Variants in AGPAT3 observed in about 807,000 individuals in gnomAD.
The protein encoded by AGPAT3 is 1-acylglycerol-3-phosphate O-acyltransferase 3, also known as 1-acyl-sn-glycerol-3-phosphate acyltransferase gamma.
A neutral mutation model predicts 47.3 loss-of-function variants in AGPAT3; 5 were observed. The observed-to-expected ratio is 0.11, with a 90% CI of 0.06 to 0.22. The LOEUF (loss-of-function observed/expected upper bound fraction) is 0.22, where lower values mean the gene tolerates loss of function less well. Among genes scored for constraint, AGPAT3 ranks in the 10% least tolerant of loss-of-function variants. The probability of loss-of-function intolerance (pLI) is 1.00; values close to 1 mark genes in which losing one functional copy is unlikely to be tolerated. For synonymous variants in AGPAT3, 212 were observed against 208.3 expected (o/e 1.02, Z -0.15); for missense variants, 315 against 493.0 (o/e 0.64, Z 3.42).
intron 1 of AGPAT3, among the ~76,000 whole-genome samples, chr21:43,888,920 C>G (rs749427431): frequency 1.3e-5 from 2 of 151,806 alleles, no homozygotes; most frequent in African/African-American, 4.8e-5. Context: ...ACCCGGAAGG[C>G]GGAGGTTGCA....
chr21:43,938,090 TC>T (rs2087510426), intron 2 of AGPAT3, among the ~76,000 whole-genome samples: 1 of 141,598 alleles, frequency 7.1e-6, no homozygotes, highest in Non-Finnish European at 1.6e-5. Flanking sequence ...CCACTTTCTC[TC>T]TCTCTCTCTC....
chr21:43,967,863 C>G (rs1295767856), intron 3 of AGPAT3, 83 bp from the exon 4 acceptor site: 23 of 1,402,030 alleles, frequency 1.6e-5, no homozygotes, highest in South Asian at 2.6e-5. Context: ...GACAAAAATA[C>G]TGTAGGTGTC....
chr21:43,894,608 G>C (rs4819339), intron 1 of AGPAT3, among the ~76,000 whole-genome samples: 2 of 151,874 alleles, frequency 1.3e-5, no homozygotes, highest in Non-Finnish European at 2.9e-5. Context: ...TGAAATATAC[G>C]ATAGATTATT....
intron 1 of AGPAT3, among the ~76,000 whole-genome samples, chr21:43,877,028 T>G (rs1216717160): frequency 6.6e-6 from 1 of 152,040 alleles, no homozygotes; most frequent in African/African-American, 2.4e-5. Context: ...CCAGCTAATT[T>G]TTTGTATTTT....
chr21:43,975,943 G>A (rs190423231), intron 7 of AGPAT3, among the ~76,000 whole-genome samples: 15 of 151,680 alleles, frequency 9.9e-5, no homozygotes, highest in African/African-American at 2.2e-4. Context: ...GCTCCCTTAC[G>A]GAAGCGACTT....
intron 1 of AGPAT3, among the ~76,000 whole-genome samples, chr21:43,873,470 C>T (rs1044024864): frequency 1.3e-5 from 2 of 152,134 alleles, no homozygotes; most frequent in Admixed American, 6.5e-5. Flanking sequence ...CTCTGCCTCC[C>T]GGGTTCAAGC....
At chr21:43,893,933 G>A (rs2086156277) in intron 1 of AGPAT3, among the ~76,000 whole-genome samples, 1 of 152,182 alleles carries the variant, frequency 6.6e-6, no homozygotes, top group Admixed American at 6.5e-5. Context: ...ACCAAAATGT[G>A]ACACAGACGC....
chr21:43,929,401 G>A (rs2087166738), intron 2 of AGPAT3, among the ~76,000 whole-genome samples: 1 of 152,228 alleles, frequency 6.6e-6, no homozygotes, highest in Admixed American at 6.5e-5. Flanking sequence ...CACTCCTGGA[G>A]CCTCTGCCAC....
intron 7 of AGPAT3, 85 bp downstream of exon 7, chr21:43,971,575 C>A: frequency 7.8e-7 from 1 of 1,290,136 alleles, no homozygotes; most frequent in Non-Finnish European, 1.1e-6. Flanking sequence ...GTGGCTGGGT[C>A]CAGGCCCCAC....
intron 7 of AGPAT3, among the ~76,000 whole-genome samples, chr21:43,977,252 T>C (rs2089652163): frequency 6.6e-6 from 1 of 152,228 alleles, no homozygotes; most frequent in South Asian, 2.1e-4. Flanking sequence ...TGAAAATGCC[T>C]ACATTTTTAA....
At position 43,968,123 on chromosome 21, in the gene AGPAT3, G is replaced by T; in HGVS notation, c.348+8G>T. 6.2e-7 allele frequency: 1 copy of T among 1,613,074 alleles called. No homozygotes were observed. Among genetic ancestry groups the T allele is most frequent in the East Asian group, 2.2e-5 (1 of 44,810 alleles). ...CGCTTCGGAGTGCTGGGGGTGAGCG[G>T]GGACCTGGGGAGGGCCACGGGTGAG... On this transcript the variant is annotated splice_region_variant and intron_variant, in intron 4 of 9. Transcript: ENST00000291572.
At chr21:43,914,820 G>C (rs991349022) in intron 2 of AGPAT3, among the ~76,000 whole-genome samples, 1 of 152,128 alleles carries the variant, frequency 6.6e-6, no homozygotes, top group Non-Finnish European at 1.5e-5. Context: ...GTTATCACAG[G>C]CCTGAGCCAC....
At position 43,928,252 on chromosome 21, in the gene AGPAT3, C is replaced by A. The variant is rs190573172; in HGVS notation, c.-49+24233C>A. Among the ~76,000 whole-genome samples, 20 of 152,368 alleles carry A rather than the reference C, an allele frequency of 1.3e-4. No homozygotes were observed. The East Asian group carries it at 2.5e-3, about 19-fold the overall frequency. ...CCACAGGGGCCCTCTTCTCCGGGGC[C>A]TGCAGGTGTACCCCTGCCCTGAGTT... On this transcript the variant is annotated intron_variant, in intron 2 of 9. Transcript: ENST00000291572.
In AGPAT3 at chr21:43,983,666, T is replaced by A. The variant is rs2029945451; in HGVS notation, c.*1274T>A. Reference sequence around the variant, plus strand: ...GCGAGGGATGCTTCTCCCTACAGCATGTCCACTCCCCCGGCATGGCCAGGT... The same window carrying A: ...GCGAGGGATGCTTCTCCCTACAGCAAGTCCACTCCCCCGGCATGGCCAGGT... On this transcript the variant is annotated 3_prime_UTR_variant, in exon 10 of 10. Transcript: ENST00000291572. 6.6e-6 allele frequency: 1 copy of A among 152,256 alleles called. No individual in the cohort carries two copies. The highest frequency in any genetic ancestry group is 2.1e-4 in the South Asian group (1 of 4,834). The allele number at this position is 152,256 out of a possible 1,614,324, so 9.4% of individuals were successfully genotyped here.
intron 1 of AGPAT3, among the ~76,000 whole-genome samples, chr21:43,878,092 C>T (rs929186456): frequency 7.2e-5 from 11 of 152,278 alleles, no homozygotes; most frequent in East Asian, 3.9e-4. Context: ...GCGCTTTCCC[C>T]GCCACTGCTT....
intron 2 of AGPAT3, among the ~76,000 whole-genome samples, chr21:43,959,351 A>G (rs199574111): frequency 1.0e-3 from 79 of 76,862 alleles, no homozygotes; most frequent in Non-Finnish European, 1.2e-3. Context: ...TGTGTGTGGT[A>G]TGTGTGTGGC....
At chr21:43,873,811 G>A (rs890343120) in intron 1 of AGPAT3, among the ~76,000 whole-genome samples, 43 of 152,018 alleles carry the variant, frequency 2.8e-4, no homozygotes, top group African/African-American at 1.0e-3. Flanking sequence ...TCTCACAGAG[G>A]CTCATCTTTT....
chr21:43,969,575 C>T (rs2089306962), intron 5 of AGPAT3, among the ~76,000 whole-genome samples: 1 of 152,272 alleles, frequency 6.6e-6, no homozygotes, highest in South Asian at 2.1e-4. Context: ...GCCCGCCCTG[C>T]TCAGTGTGCA....
In AGPAT3 at chr21:43,932,904, C is replaced by G. The variant is rs934009055; in HGVS notation, c.-48-26730C>G. Reference sequence around the variant, plus strand: ...ACCTCAAGTGATCCACCCGCCTTGGCCTCCCAAAGTGCTGGGATTACAGGT... The same window carrying G: ...ACCTCAAGTGATCCACCCGCCTTGGGCTCCCAAAGTGCTGGGATTACAGGT... On this transcript the variant is annotated intron_variant, in intron 2 of 9. Transcript: ENST00000291572. This position sits in a 1 kb window ranked among gnomAD's most constrained non-coding sequence, Gnocchi z 5.2. Among the ~76,000 whole-genome samples the G allele has an allele frequency of 9.2e-5, 14 of 152,202 alleles. No individual in the cohort carries two copies. The highest frequency in any genetic ancestry group is 2.1e-4 in the Non-Finnish European group (14 of 68,028).
Sources: gnomAD v4.1 joint callset for allele counts (sites outside exome capture counted in the v4.1 genomes callset) on GRCh38, gnomAD v4.1.1 for gene constraint, Gnocchi (gnomAD v3.1) non-coding constraint, MANE v1.5 for transcripts, NCBI Gene and HGNC (gene_info 2026-07-23, HGNC 2026-07-21) for gene names.